GPC5: variants seen among roughly 807,000 people sequenced by gnomAD.
The protein encoded by GPC5 is glypican 5, also known as glypican-5.
In GPC5, 47 loss-of-function variants were observed where a neutral mutation model predicts 53.9. The observed-to-expected ratio is 0.87, with a 90% CI of 0.69 to 1.11. The LOEUF (loss-of-function observed/expected upper bound fraction) is 1.11, where lower values mean the gene tolerates loss of function less well. Among genes scored for constraint, GPC5 ranks in the 50% most tolerant of loss-of-function variants. GPC5 has a pLI of 0.00. For missense variants in GPC5, 748 were observed against 713.1 expected (o/e 1.05, Z -0.56); for synonymous variants, 286 against 263.3 (o/e 1.09, Z -0.84).
intron 7 of GPC5, among the ~76,000 whole-genome samples, chr13:92,219,104 T>C (rs2042431240): frequency 6.6e-6 from 1 of 152,210 alleles, no homozygotes; most frequent in African/African-American, 2.4e-5. Flanking sequence ...TTTTCTCCCA[T>C]TGTGTTGAGT....
intron 1 of GPC5, among the ~76,000 whole-genome samples, chr13:91,423,488 T>C (rs1052175205): frequency 6.6e-6 from 1 of 152,132 alleles, no homozygotes; most frequent in Non-Finnish European, 1.5e-5. Flanking sequence ...AAGGGAAATA[T>C]ACATAAGACA....
chr13:92,801,778 A>G lies in GPC5; in HGVS notation c.1562-64504A>G, dbSNP rs192289367. ...ATAAAAATTAGTTTTACATTTAAAA[A>G]ATGTAAAACTAAAAAATATTAATAG... On this transcript the variant is annotated intron_variant, in intron 7 of 7. Transcript: ENST00000377067. 1.2e-3 allele frequency among the ~76,000 whole-genome samples: 187 copies of G among 151,944 alleles called. 1 individual carries two copies. The highest frequency in any genetic ancestry group is 4.1e-3 in the African/African-American group (170 of 41,518).
intron 6 of GPC5, among the ~76,000 whole-genome samples, chr13:91,917,720 A>T (rs1265497772): frequency 1.3e-5 from 2 of 152,220 alleles, no homozygotes; most frequent in Admixed American, 1.3e-4. Flanking sequence ...TAAAGCATAG[A>T]AAGAATCACC....
At chr13:91,511,257 A>G (rs1885215678) in intron 2 of GPC5, among the ~76,000 whole-genome samples, 1 of 151,842 alleles carries the variant, frequency 6.6e-6, no homozygotes, top group Non-Finnish European at 1.5e-5. Flanking sequence ...ATTCATATAT[A>G]TTTTTCCCTA....
chr13:92,040,901 C>A (rs554378545), intron 6 of GPC5, among the ~76,000 whole-genome samples: 2 of 152,090 alleles, frequency 1.3e-5, no homozygotes. Flanking sequence ...CCCAGGCTGC[C>A]GTGCAATGGC....
chr13:91,693,410 G>A lies in GPC5; in HGVS notation c.549G>A (p.Val183=). 1.2e-6 allele frequency: 2 copies of A among 1,614,080 alleles called. No homozygotes were observed. The highest frequency in any genetic ancestry group is 2.7e-5 in the African/African-American group (2 of 75,032). The part of the protein sequence containing the change: ...LVYNHLINPG[V]TDSSLEYSEC... ...ACAACCACCTCATTAACCCTGGTGTGACTGACAGTTCCCTGGAATACTCAG... is the reference window on the plus strand; with the variant it reads ...ACAACCACCTCATTAACCCTGGTGTAACTGACAGTTCCCTGGAATACTCAG... Residue 183 remains valine (V), a synonymous_variant, in exon 3 of 8, where the codon GTG becomes GTA. Transcript: ENST00000377067.
intron 5 of GPC5, among the ~76,000 whole-genome samples, chr13:91,796,385 C>T (rs1232422782): frequency 3.3e-5 from 5 of 152,158 alleles, no homozygotes; most frequent in Admixed American, 1.3e-4. Flanking sequence ...CAGTGGTGGA[C>T]AGCGAGCCAA....
chr13:92,848,715 A>G (rs1170362005), intron 7 of GPC5, among the ~76,000 whole-genome samples: 3 of 152,122 alleles, frequency 2.0e-5, no homozygotes, highest in Admixed American at 2.0e-4. Flanking sequence ...ACTTGGGTAA[A>G]ACACCACAGC....
Position 92,698,616 on chromosome 13 carries a change from C to T in GPC5, c.1562-167666C>T, listed in dbSNP as rs182666703. 4.6e-5 allele frequency among the ~76,000 whole-genome samples: 7 copies of T among 152,292 alleles called. No individual in the cohort carries two copies. The East Asian group carries it at 1.4e-3, about 29-fold the overall frequency. On this transcript the variant is annotated intron_variant, in intron 7 of 7. Coordinates refer to ENST00000377067, the MANE Select transcript of GPC5 (RefSeq NM_004466.6). ...GTCTTTGCTATTGTGAACAGTGCCGCAATAAACATATGTGTGCATGTGTCT... is the reference window on the plus strand; with the variant it reads ...GTCTTTGCTATTGTGAACAGTGCCGTAATAAACATATGTGTGCATGTGTCT...
At chr13:92,598,075 T>C (rs1273814820) in intron 7 of GPC5, among the ~76,000 whole-genome samples, 1 of 152,206 alleles carries the variant, frequency 6.6e-6, no homozygotes, top group African/African-American at 2.4e-5. Flanking sequence ...TTTAGCTTAC[T>C]TGGATGTATT....
chr13:91,967,334 C>T (rs144170449), intron 6 of GPC5, among the ~76,000 whole-genome samples: 1 of 152,208 alleles, frequency 6.6e-6, no homozygotes, highest in East Asian at 1.9e-4. Flanking sequence ...TGGGTGGTGA[C>T]ACAGTTAAAC....
chr13:91,716,826 A>T (rs759158342), intron 3 of GPC5, among the ~76,000 whole-genome samples: 102 of 152,248 alleles, frequency 6.7e-4, no homozygotes, highest in Admixed American at 1.2e-3. Context: ...GGAAAGGAGC[A>T]TTTAAATCGT....
In GPC5 at chr13:91,448,374, T is replaced by C. The variant is rs762996259; in HGVS notation, c.164-387T>C. ...AGTTTCATTTCCCCATGAAAAGCAA[T>C]TCTTTTAGTCCACATAATTATCTAT... On this transcript the variant is annotated intron_variant, in intron 1 of 7. Coordinates refer to ENST00000377067, the MANE Select transcript of GPC5 (RefSeq NM_004466.6). Among the ~76,000 whole-genome samples the C allele has an allele frequency of 4.6e-5, 7 of 152,348 alleles. No individual in the cohort carries two copies. The South Asian group carries it at 1.2e-3, about 27-fold the overall frequency.
At chr13:92,798,633 T>C (rs537640369) in intron 7 of GPC5, among the ~76,000 whole-genome samples, 123 of 152,008 alleles carry the variant, frequency 8.1e-4, no homozygotes, top group African/African-American at 3.0e-3. Context: ...TGTTTCTAAT[T>C]TAATGTGTGT....
intron 6 of GPC5, among the ~76,000 whole-genome samples, chr13:92,129,236 A>G (rs1397359123): frequency 2.0e-5 from 3 of 152,226 alleles, no homozygotes; most frequent in South Asian, 2.1e-4. Context: ...CAAGCTCTCA[A>G]TCAAAACCTC....
chr13:92,232,033 T>C (rs7988513), intron 7 of GPC5, among the ~76,000 whole-genome samples: 52,624 of 152,054 alleles, frequency 0.35, 9,373 homozygotes, highest in African/African-American at 0.43. Context: ...GCACCTATCT[T>C]GTTCTTGATG....
rs55887927 is a variant in GPC5 at position 92,605,576 on chromosome 13, G to GTTTTTTT, written c.1562-260696_1562-260690dup. On this transcript the variant is annotated intron_variant, in intron 7 of 7. Transcript: ENST00000377067. Reference sequence around the variant, plus strand: ...AATAAATGAGCAGCCGTATTCACTAGTTTTTTTTTTTTTTTTATTTTTTTG... The same window carrying GTTTTTTT: ...AATAAATGAGCAGCCGTATTCACTAGTTTTTTTTTTTTTTTTTTTTTTTATTTTTTTG... Among the ~76,000 whole-genome samples, 469 of 139,556 alleles carry GTTTTTTT rather than the reference G, an allele frequency of 3.4e-3. 27 individuals carry two copies. The highest frequency in any genetic ancestry group is 0.012 in the African/African-American group (421 of 35,610). The allele number at this position is 139,556 out of a possible 152,430, so 91.6% of individuals were successfully genotyped here. A position where few individuals can be genotyped will look rare whatever the true frequency, so the allele number is the denominator to read the frequency against.
chr13:92,665,938 T>G (rs1886551381), intron 7 of GPC5, among the ~76,000 whole-genome samples: 1 of 152,178 alleles, frequency 6.6e-6, no homozygotes, highest in Admixed American at 6.5e-5. Flanking sequence ...AACTGATTAG[T>G]TTGTTGTTAT....
chr13:91,693,029 G>A (rs1180386493), intron 2 of GPC5, among the ~76,000 whole-genome samples, 158 bp from the exon 3 acceptor site: 1 of 152,144 alleles, frequency 6.6e-6, no homozygotes, highest in African/African-American at 2.4e-5. Flanking sequence ...TTCTTGTCCG[G>A]TCATTATCCT....
Sources: allele counts gnomAD v4.1 joint callset (sites outside exome capture counted in the v4.1 genomes callset), GRCh38; gene constraint gnomAD v4.1.1; transcripts MANE v1.5; gene names NCBI Gene and HGNC (gene_info 2026-07-23, HGNC 2026-07-21).